Variants in EDARADD observed in about 807,000 individuals in gnomAD.
EDARADD encodes ectodysplasin-A receptor-associated adapter protein.
EDARADD carries 20 observed loss-of-function variants against 25.6 expected under a neutral mutation model. That is an observed-to-expected ratio of 0.78 (90% CI 0.55 to 1.14). EDARADD has a LOEUF of 1.14. Among genes scored for constraint, EDARADD ranks in the 50% most tolerant of loss-of-function variants. The pLI is 0.00. For missense variants in EDARADD, 225 were observed against 270.1 expected (o/e 0.83, Z 1.17); for synonymous variants, 86 against 94.4 (o/e 0.91, Z 0.52).
chr1:236,398,210 C>T lies in EDARADD; in HGVS notation c.61+3705C>T, dbSNP rs1470165327. Among the ~76,000 whole-genome samples, 5 of 152,128 alleles carry T rather than the reference C, an allele frequency of 3.3e-5. No individual in the cohort carries two copies. Among genetic ancestry groups the T allele is most frequent in the African/African-American group, 7.2e-5 (3 of 41,418 alleles). On this transcript the variant is annotated intron_variant, in intron 1 of 5. Coordinates refer to ENST00000334232, the MANE Select transcript of EDARADD (RefSeq NM_145861.4). This position sits in a 1 kb window ranked among gnomAD's most constrained non-coding sequence, Gnocchi z 4.1. ...CGTGATCCCCACTCACTGCAACCTC[C>T]GCCTCCCGGGTTCAAGAGATTCTCC... is the stretch of plus-strand genomic sequence containing the variant.
At chr1:236,456,000 A>G (rs545293575) in intron 4 of EDARADD, among the ~76,000 whole-genome samples, 173 of 152,322 alleles carry the variant, frequency 1.1e-3, no homozygotes, top group African/African-American at 3.9e-3. Flanking sequence ...CATTTTAGCC[A>G]GGATGGTCTC....
Position 236,483,777 on chromosome 1 carries a change from A to C in EDARADD, c.*1128A>C. ...CAAGGAGAAATATGGGAAAGATGCC[A>C]CCGGTGTGGGGGATGGAGGCGCGTT... is the stretch of plus-strand genomic sequence containing the variant. On this transcript the variant is annotated 3_prime_UTR_variant, in exon 6 of 6. Coordinates refer to ENST00000334232, the MANE Select transcript of EDARADD (RefSeq NM_145861.4). The C allele has an allele frequency of 6.8e-7, 1 of 1,476,424 alleles. No individual in the cohort carries two copies. The highest frequency in any genetic ancestry group is 9.5e-7 in the Non-Finnish European group (1 of 1,056,608). The allele number at this position is 1,476,424 out of a possible 1,614,324, so 91.5% of individuals were successfully genotyped here.
chr1:236,465,563 C>T (rs1375426570), intron 4 of EDARADD, among the ~76,000 whole-genome samples: 3 of 152,120 alleles, frequency 2.0e-5, no homozygotes, highest in Admixed American at 2.0e-4. Flanking sequence ...TAAGAAGACA[C>T]CTGTCCTCTC....
intron 3 of EDARADD, among the ~76,000 whole-genome samples, chr1:236,359,385 G>C (rs549438978): frequency 3.1e-4 from 47 of 152,342 alleles, no homozygotes; most frequent in African/African-American, 1.1e-3. Flanking sequence ...ACTGAAGGGA[G>C]TTTGAGCTCT....
intron 5 of EDARADD, among the ~76,000 whole-genome samples, chr1:236,478,192 G>A (rs1165252338): frequency 6.6e-6 from 1 of 152,104 alleles, no homozygotes; most frequent in African/African-American, 2.4e-5. Flanking sequence ...ACATGCACCA[G>A]TAGCCTTAGA....
At chr1:236,401,359 C>G (rs1023864332) in intron 1 of EDARADD, among the ~76,000 whole-genome samples, 3 of 152,130 alleles carry the variant, frequency 2.0e-5, no homozygotes, top group Admixed American at 6.6e-5. Flanking sequence ...GACATACTTC[C>G]TTGTTTTCTC....
intron 4 of EDARADD, among the ~76,000 whole-genome samples, chr1:236,453,450 G>A (rs753636939): frequency 6.6e-6 from 1 of 151,904 alleles, no homozygotes; most frequent in Non-Finnish European, 1.5e-5. Context: ...GTTAATTATT[G>A]TATTTCTAGT....
intron 4 of EDARADD, among the ~76,000 whole-genome samples, chr1:236,462,880 T>C (rs970771125): frequency 3.3e-5 from 5 of 152,230 alleles, no homozygotes; most frequent in African/African-American, 1.2e-4. Flanking sequence ...CTGCAGTACC[T>C]TAACAGTTCT....
intron 4 of EDARADD, among the ~76,000 whole-genome samples, chr1:236,450,461 A>G (rs1658679801): frequency 6.6e-6 from 1 of 152,164 alleles, no homozygotes; most frequent in Non-Finnish European, 1.5e-5. Context: ...ATAAAGAGTT[A>G]ATTTGATGTG....
intron 1 of EDARADD, among the ~76,000 whole-genome samples, chr1:236,405,867 TTCCTTCC>T (rs1558112757): frequency 1.3e-3 from 80 of 60,794 alleles, no homozygotes; most frequent in African/African-American, 3.6e-3. Context: ...CCTTCCTTCC[TTCCTTCC>T]TTCTTTCTTT....
chr1:236,369,008 T>C (rs73121261), intron 3 of EDARADD, among the ~76,000 whole-genome samples: 392 of 152,222 alleles, frequency 2.6e-3, no homozygotes, highest in African/African-American at 9.1e-3. Flanking sequence ...TTGCCCAGGC[T>C]GGTCTTGAAC....
rs556163395 is a variant in EDARADD at position 236,398,765 on chromosome 1, C to T, written c.61+4260C>T. Among the ~76,000 whole-genome samples the T allele has an allele frequency of 9.4e-4, 143 of 152,294 alleles. No individual in the cohort carries two copies. Among genetic ancestry groups the T allele is most frequent in the Non-Finnish European group, 1.4e-3 (92 of 68,032 alleles). On this transcript the variant is annotated intron_variant, in intron 1 of 5. Coordinates refer to ENST00000334232, the MANE Select transcript of EDARADD (RefSeq NM_145861.4). The surrounding 1 kb of genome is among the most constrained non-coding windows in gnomAD (Gnocchi z 4.1). The stretch of plus-strand genomic sequence containing the variant: ...GCTCATAGGTCACCGGGATCCAGCC[C>T]GATGTTATACATGCTCAGCAAACCC...
Position 236,482,646 on chromosome 1 carries a change from C to G in EDARADD, c.645C>G (p.Phe215Leu). Residue 215 changes from phenylalanine to leucine, a missense_variant, in exon 6 of 6, where the codon TTC becomes TTG. By Grantham distance (22) the Phe-to-Leu change is conservative. Coordinates refer to ENST00000334232, the MANE Select transcript of EDARADD (RefSeq NM_145861.4). ...KRERGDPSRH[F>L] ...AGCGTGGAGACCCCTCCAGGCACTTCTAGAGCTCTTCTTCTTCCTTCATTG... is the reference window on the plus strand; with the variant it reads ...AGCGTGGAGACCCCTCCAGGCACTTGTAGAGCTCTTCTTCTTCCTTCATTG... The G allele has an allele frequency of 6.2e-7, 1 of 1,611,762 alleles. No individual in the cohort carries two copies. Among genetic ancestry groups the G allele is most frequent in the Admixed American group, 1.7e-5 (1 of 60,030 alleles).
intron 3 of EDARADD, among the ~76,000 whole-genome samples, chr1:236,375,351 A>G (rs1667213815): frequency 6.6e-6 from 1 of 152,192 alleles, no homozygotes; most frequent in Non-Finnish European, 1.5e-5. Context: ...TGTTAGTTAA[A>G]TTAACAATAA....
At chr1:236,440,856 C>G (rs556572018) in intron 4 of EDARADD, among the ~76,000 whole-genome samples, 24 of 152,246 alleles carry the variant, frequency 1.6e-4, no homozygotes, top group South Asian at 1.5e-3. Flanking sequence ...TCCTCTGTCT[C>G]CCTCTTCTTG....
chr1:236,421,407 C>A (rs759077015), intron 3 of EDARADD, among the ~76,000 whole-genome samples: 1 of 138,814 alleles, frequency 7.2e-6, no homozygotes, highest in Non-Finnish European at 1.6e-5. Flanking sequence ...TGGTAAGGGG[C>A]GTTGTTTGGC....
chr1:236,441,490 A>G (rs1359456547), intron 4 of EDARADD, among the ~76,000 whole-genome samples: 2 of 146,488 alleles, frequency 1.4e-5, no homozygotes, highest in East Asian at 1.9e-4. Flanking sequence ...ATGTAAATAT[A>G]TATTTTATAA....
chr1:236,427,968 TTTTATTTTA>T (rs1460657487), intron 4 of EDARADD, among the ~76,000 whole-genome samples: 1 of 100,230 alleles, frequency 1.0e-5, no homozygotes, highest in African/African-American at 3.7e-5. Flanking sequence ...ATTTATTTTA[TTTTATTTTA>T]TTTTTTTAGT....
intron 5 of EDARADD, among the ~76,000 whole-genome samples, chr1:236,469,016 G>A (rs1049404687): frequency 2.0e-5 from 3 of 152,196 alleles, no homozygotes; most frequent in African/African-American, 4.8e-5. Context: ...ATTAGGTCAG[G>A]TGTTAGTCCC....
Sources: gnomAD v4.1 joint callset for allele counts (sites outside exome capture counted in the v4.1 genomes callset) on GRCh38, gnomAD v4.1.1 for gene constraint, Gnocchi (gnomAD v3.1) non-coding constraint, MANE v1.5 for transcripts, NCBI Gene and HGNC (gene_info 2026-07-23, HGNC 2026-07-21) for gene names.